Variants in CACHD1 observed in about 807,000 individuals in gnomAD.
CACHD1 encodes VWFA and cache domain-containing protein 1.
A neutral mutation model predicts 138.7 loss-of-function variants in CACHD1; 71 were observed. That is an observed-to-expected ratio of 0.51 (90% CI 0.42 to 0.62). The LOEUF (loss-of-function observed/expected upper bound fraction) is 0.62. Among genes scored for constraint, CACHD1 ranks in the 20% least tolerant of loss-of-function variants. The pLI, the probability that CACHD1 is intolerant of heterozygous loss-of-function variation, is 0.00. For missense variants in CACHD1, 1,389 were observed against 1,625.3 expected, an observed-to-expected ratio of 0.85 and a Z score of 2.50; for synonymous variants, 578 against 591.5, an observed-to-expected ratio of 0.98 and a Z score of 0.33.
chr1:64,573,269 A>G (rs911472896), intron 2 of CACHD1, among the ~76,000 whole-genome samples: 2 of 152,188 alleles, frequency 1.3e-5, no homozygotes, highest in Admixed American at 1.3e-4. Context: ...AGAGTACTCT[A>G]TATAAGACGA....
At position 64,470,822 on chromosome 1, in the gene CACHD1, C is replaced by A; in HGVS notation, c.78C>A (p.Val26=). ...RRPPLWLLCL[V]ACWLLGAGAE... The stretch of plus-strand genomic sequence containing the variant: ...CGCCCCTCTGGCTGCTCTGCCTGGT[C>A]GCGTGCTGGCTCCTGGGCGCCGGGG... Residue 26 remains valine (V), a synonymous_variant, in exon 1 of 27, where the codon GTC becomes GTA. Transcript: ENST00000651257. The surrounding 1 kb of genome is among the most constrained non-coding windows in gnomAD (Gnocchi z 5.2). The A allele has an allele frequency of 2.0e-6, 3 of 1,493,112 alleles. No homozygotes were observed. The East Asian group carries it at 7.0e-5, about 35-fold the overall frequency. 92.5% of individuals were successfully genotyped at this position (1,493,112 alleles called of 1,614,324 possible).
At chr1:64,533,370 G>A (rs1008611303) in intron 1 of CACHD1, among the ~76,000 whole-genome samples, 2 of 152,104 alleles carry the variant, frequency 1.3e-5, no homozygotes, top group Non-Finnish European at 2.9e-5. Flanking sequence ...ACAAGAGAGA[G>A]AGGCCCTTCA....
At chr1:64,560,036 G>A (rs1470275965) in intron 2 of CACHD1, among the ~76,000 whole-genome samples, 2 of 152,136 alleles carry the variant, frequency 1.3e-5, no homozygotes, top group Non-Finnish European at 2.9e-5. Flanking sequence ...TCAGCAAGAA[G>A]AAGAGCAATA....
intron 13 of CACHD1, among the ~76,000 whole-genome samples, chr1:64,661,435 C>G (rs964242608): frequency 1.3e-5 from 2 of 152,144 alleles, no homozygotes; most frequent in African/African-American, 4.8e-5. Flanking sequence ...ACTGCACTAG[C>G]CTTTTCTAAA....
At chr1:64,542,213 T>C (rs1383466747) in intron 1 of CACHD1, among the ~76,000 whole-genome samples, 1 of 152,228 alleles carries the variant, frequency 6.6e-6, no homozygotes, top group Non-Finnish European at 1.5e-5. Flanking sequence ...TCATTATTTA[T>C]AGCAACATTA....
chr1:64,643,494 G>A (rs1431769797), intron 8 of CACHD1, among the ~76,000 whole-genome samples: 2 of 152,152 alleles, frequency 1.3e-5, no homozygotes, highest in Non-Finnish European at 2.9e-5. Flanking sequence ...TAATAAATAA[G>A]CAATATATGA....
At chr1:64,634,713 G>C (rs1385008457) in intron 7 of CACHD1, among the ~76,000 whole-genome samples, 5 of 152,064 alleles carry the variant, frequency 3.3e-5, no homozygotes, top group Non-Finnish European at 7.4e-5. Context: ...ATTGATTGGG[G>C]GCGAGGTGCG....
In CACHD1 at chr1:64,619,477, G is replaced by A. The variant is rs1389106639; in HGVS notation, c.518-9878G>A. Among the ~76,000 whole-genome samples the A allele has an allele frequency of 2.0e-5, 3 of 152,174 alleles. No homozygotes were observed. In the East Asian group the frequency reaches 5.8e-4, roughly 29 times the overall value. On this transcript the variant is annotated intron_variant, in intron 4 of 26. Transcript: ENST00000651257. ...GTGATGGAGGAAATAGAGCTTGTCA[G>A]AAGAACTGTTTCCTTGCATTTTATG...
At chr1:64,617,691 G>A (rs1647761356) in intron 4 of CACHD1, among the ~76,000 whole-genome samples, 1 of 152,148 alleles carries the variant, frequency 6.6e-6, no homozygotes, top group Admixed American at 6.5e-5. Context: ...TCAATGTGGT[G>A]GCAGATCACT....
At chr1:64,649,446 G>T (rs1570451071) in intron 9 of CACHD1, among the ~76,000 whole-genome samples, 1 of 152,232 alleles carries the variant, frequency 6.6e-6, no homozygotes, top group Middle Eastern at 3.4e-3. Context: ...TCCCTTTTTA[G>T]TGAAAATATG....
At position 64,632,464 on chromosome 1, in the gene CACHD1, T is replaced by C. The variant is rs549928456; in HGVS notation, c.645-135T>C. 33 of 802,542 alleles carry C rather than the reference T, an allele frequency of 4.1e-5. No individual in the cohort carries two copies. The African/African-American group carries it at 5.1e-4, about 12-fold the overall frequency. 49.7% of individuals were successfully genotyped at this position (802,542 alleles called of 1,614,324 possible). ...AATATGGTTTCTCCTTCCATGTGGA[T>C]TTCTCCATCCTTGTGCCATCCCTGG... On this transcript the variant is annotated intron_variant, in intron 5 of 26. Transcript: ENST00000651257.
chr1:64,639,313 T>C (rs554757580), intron 7 of CACHD1, among the ~76,000 whole-genome samples: 1 of 152,350 alleles, frequency 6.6e-6, no homozygotes, highest in South Asian at 2.1e-4. Context: ...GAAGTTTAAA[T>C]GAACTGTTTA....
chr1:64,657,742 T>C (rs1434493834), intron 12 of CACHD1, among the ~76,000 whole-genome samples: 1 of 152,230 alleles, frequency 6.6e-6, no homozygotes, highest in East Asian at 1.9e-4. Flanking sequence ...CTTCATCTTT[T>C]ACTTTTATTT....
At chr1:64,657,228 C>T (rs1173073036) in intron 12 of CACHD1, among the ~76,000 whole-genome samples, 2 of 152,152 alleles carry the variant, frequency 1.3e-5, no homozygotes, top group Non-Finnish European at 2.9e-5. Flanking sequence ...AAAACCCACT[C>T]CCAACCCATA....
chr1:64,686,591 ACTAT>A (rs1376171889), intron 26 of CACHD1, among the ~76,000 whole-genome samples: 1 of 152,200 alleles, frequency 6.6e-6, no homozygotes, highest in East Asian at 1.9e-4. Flanking sequence ...TGTGTTTTCA[ACTAT>A]CTATCTGCTT....
intron 6 of CACHD1, among the ~76,000 whole-genome samples, chr1:64,633,774 T>TTG (rs1354750796): frequency 6.6e-6 from 1 of 152,188 alleles, no homozygotes; most frequent in Non-Finnish European, 1.5e-5. Context: ...ATAAAATAGT[T>TTG]TGTGTGTGTG....
At chr1:64,653,672 C>A in intron 10 of CACHD1, 86 bp from the exon 11 acceptor site, 1 of 1,417,090 alleles carries the variant, frequency 7.1e-7, no homozygotes, top group African/African-American at 1.4e-5. Context: ...GGCAGCCAGC[C>A]CAGAGTACCC....
intron 4 of CACHD1, chr1:64,613,605 G>A (rs1042553282): frequency 2.6e-5 from 4 of 152,076 alleles, no homozygotes; most frequent in Admixed American, 6.6e-5. Flanking sequence ...TGACTATTTT[G>A]TAGTAGTTGA....
chr1:64,484,682 C>G (rs958567163), intron 1 of CACHD1, among the ~76,000 whole-genome samples: 29 of 152,234 alleles, frequency 1.9e-4, no homozygotes, highest in African/African-American at 6.8e-4. Flanking sequence ...TACTTTCTAT[C>G]TCTCTGAATT....
Sources: allele counts gnomAD v4.1 joint callset (sites outside exome capture counted in the v4.1 genomes callset), GRCh38; gene constraint gnomAD v4.1.1; non-coding constraint Gnocchi (gnomAD v3.1); transcripts MANE v1.5; gene names NCBI Gene and HGNC (gene_info 2026-07-23, HGNC 2026-07-21).